The following GBP2 variants were observed in gnomAD, a reference collection of about 807,000 sequenced individuals.
GBP2 encodes guanylate-binding protein 2.
Under a neutral mutation model 60.8 loss-of-function variants are expected in GBP2, and 54 were observed. That is an observed-to-expected ratio of 0.89 (90% CI 0.71 to 1.11). GBP2 has a LOEUF of 1.11. Among genes scored for constraint, GBP2 ranks in the 50% most tolerant of loss-of-function variants. The pLI, the probability that GBP2 is intolerant of heterozygous loss-of-function variation, is 0.00. For synonymous variants in GBP2, 243 were observed against 256.5 expected (o/e 0.95, Z 0.50); for missense variants, 665 against 703.3 (o/e 0.95, Z 0.62).
Position 89,110,161 on chromosome 1 carries a change from C to G in GBP2, c.1465+3G>C, listed in dbSNP as rs1373855931. 2 of 1,607,238 alleles carry G rather than the reference C, an allele frequency of 1.2e-6. No homozygotes were observed. Among genetic ancestry groups the G allele is most frequent in the Non-Finnish European group, 1.7e-6 (2 of 1,174,490 alleles). On this transcript the variant is annotated splice_donor_region_variant and intron_variant, in intron 9 of 10. Transcript: ENST00000370466. ...CATGTAGAGTGTTTTCAGCTGTTCT[C>G]ACCTTCAATCGCTTTTTCCTTTTCT...
At chr1:89,118,000 C>CT (rs1557441400) in intron 4 of GBP2, 2 of 370,564 alleles carry the variant, frequency 5.4e-6, no homozygotes, top group Admixed American at 4.4e-5. Flanking sequence ...AATGCTACCA[C>CT]TATAGAGCTT....
intron 6 of GBP2, among the ~76,000 whole-genome samples, chr1:89,115,616 T>A (rs1681254195): frequency 1.3e-5 from 2 of 152,068 alleles, no homozygotes; most frequent in South Asian, 4.2e-4. Flanking sequence ...GTTTAAAAAA[T>A]TGAGATGGAA....
intron 7 of GBP2, chr1:89,113,086 A>T (rs1681196431): frequency 1.8e-5 from 4 of 223,108 alleles, no homozygotes; most frequent in African/African-American, 9.3e-5. Flanking sequence ...TGAACTGAGG[A>T]TTCCTTGTCT....
At position 89,111,303 on chromosome 1, in the gene GBP2, G is replaced by A. The variant is rs557596389; in HGVS notation, c.1363-1037C>T. ...TTGCCATACTATTGGAAATACTAGC[G>A]AGAGCAATCAGTAAAGAGAAAGAAA... On this transcript the variant is annotated intron_variant, in intron 8 of 10. Transcript: ENST00000370466. Among the ~76,000 whole-genome samples, 7 of 152,116 alleles carry A rather than the reference G, an allele frequency of 4.6e-5. No homozygotes were observed. The East Asian group carries it at 7.7e-4, about 17-fold the overall frequency.
chr1:89,117,369 T>G, intron 5 of GBP2, 135 bp from the exon 6 acceptor site: 1 of 936,358 alleles, frequency 1.1e-6, no homozygotes, highest in South Asian at 1.8e-5. Flanking sequence ...ATTAAAGGGG[T>G]AGAGAAAGGA....
At chr1:89,112,381 C>T (rs1402470247) in intron 8 of GBP2, 91 bp downstream of exon 8, 4 of 1,003,078 alleles carry the variant, frequency 4.0e-6, no homozygotes, top group South Asian at 1.5e-5. Flanking sequence ...GCCCTAGGCA[C>T]CAGTTGCAGT....
intron 6 of GBP2, among the ~76,000 whole-genome samples, chr1:89,115,789 T>C (rs1173550653): frequency 2.0e-5 from 3 of 152,132 alleles, no homozygotes; most frequent in African/African-American, 7.2e-5. Context: ...TTCATAATGA[T>C]GAGGTCTTGC....
intron 5 of GBP2, 101 bp downstream of exon 5, chr1:89,117,476 A>G: frequency 8.8e-7 from 1 of 1,140,458 alleles, no homozygotes; most frequent in Non-Finnish European, 1.3e-6. Context: ...CAGTCAGAAA[A>G]ATACAGTTAA....
chr1:89,124,197 G>A (rs1365621695), intron 1 of GBP2, among the ~76,000 whole-genome samples: 1 of 152,146 alleles, frequency 6.6e-6, no homozygotes, highest in Non-Finnish European at 1.5e-5. Flanking sequence ...GAAAACCTCT[G>A]CTAACCTTGT....
intron 9 of GBP2, 30 bp from the exon 10 acceptor site, chr1:89,109,900 AT>A (rs755227519): frequency 1.3e-5 from 21 of 1,576,316 alleles, no homozygotes; most frequent in Non-Finnish European, 1.8e-5. Flanking sequence ...AGAAAAAGAT[AT>A]GAATATTCAA....
At position 89,110,229 on chromosome 1, in the gene GBP2, T is replaced by C; in HGVS notation, c.1400A>G (p.Glu467Gly). 1 of 1,613,886 alleles carries C rather than the reference T, an allele frequency of 6.2e-7. No homozygotes were observed. Among genetic ancestry groups the C allele is most frequent in the Non-Finnish European group, 8.5e-7 (1 of 1,179,868 alleles). The change falls in exon 9 of 11, where the codon GAG becomes GGG. Residue 467 changes from glutamate to glycine, a missense_variant. Physicochemically the swap from Glu to Gly is moderately conservative, Grantham distance 98. Coordinates refer to ENST00000370466, the MANE Select transcript of GBP2 (RefSeq NM_004120.5). ...CTGTAGAAGTGCATCAGCCACATCC[T>C]CCTTGGACTCCAAATATTTTTTCAG... ...EVLKKYLESK[E>G]DVADALLQTD...
chr1:89,109,571 T>A (rs1436058399), intron 10 of GBP2, 106 bp downstream of exon 10: 20 of 833,650 alleles, frequency 2.4e-5, no homozygotes, highest in Non-Finnish European at 3.8e-5. Context: ...AATGTAGTAG[T>A]GTCTGGGCTA....
Position 89,126,034 on chromosome 1 carries a change from A to C in GBP2, c.-189T>G, listed in dbSNP as rs909944751. The C allele has an allele frequency of 6.6e-6, 1 of 152,198 alleles. No homozygotes were observed. The highest frequency in any genetic ancestry group is 1.5e-5 in the Non-Finnish European group (1 of 68,050). The allele number at this position is 152,198 out of a possible 1,614,324, so 9.4% of individuals were successfully genotyped here. A position where few individuals can be genotyped will look rare whatever the true frequency, so the allele number is the denominator to read the frequency against. On this transcript the variant is annotated 5_prime_UTR_variant, in exon 1 of 11. Coordinates refer to ENST00000370466, the MANE Select transcript of GBP2 (RefSeq NM_004120.5). The stretch of plus-strand genomic sequence containing the variant: ...CCTCCAACGTCCTGGGGCTTCCTCC[A>C]ACGTCCAGGCTCTGTCAATGTCAGA...
intron 1 of GBP2, 57 bp from the exon 2 acceptor site, chr1:89,122,040 T>G: frequency 7.6e-7 from 1 of 1,313,978 alleles, no homozygotes; most frequent in South Asian, 1.7e-5. Context: ...TTAGCTATGC[T>G]GAACTTTACA....
Position 89,121,839 on chromosome 1 carries a change from A to T in GBP2, c.128T>A (p.Ile43Asn), listed in dbSNP as rs1309342131. Reference protein sequence around the residue: ...AITQPVVVVAIVGLYRTGKSY... With the variant: ...AITQPVVVVANVGLYRTGKSY... ...TTTGCCTGTGCGATAGAGGCCCACA[A>T]TCGCCACCACCACCACAGGCTGCGT... Residue 43 changes from isoleucine (I) to asparagine (N), a missense_variant, in exon 2 of 11, where the codon ATT (isoleucine) becomes AAT (asparagine). Transcript: ENST00000370466. 1.9e-6 allele frequency: 3 copies of T among 1,614,092 alleles called. No homozygotes were observed. Among genetic ancestry groups the T allele is most frequent in the Non-Finnish European group, 2.5e-6 (3 of 1,179,994 alleles).
intron 1 of GBP2, among the ~76,000 whole-genome samples, chr1:89,123,768 C>T (rs113699328): frequency 3.0e-3 from 453 of 152,198 alleles, no homozygotes; most frequent in Non-Finnish European, 5.6e-3. Context: ...TTTGAGTATG[C>T]GAAATATCAG....
chr1:89,120,270 A>T lies in GBP2; in HGVS notation c.337T>A (p.Ser113Thr). The T allele has an allele frequency of 4.3e-6, 7 of 1,613,760 alleles. No individual in the cohort carries two copies. Among genetic ancestry groups the T allele is most frequent in the Non-Finnish European group, 5.9e-6 (7 of 1,179,678 alleles). Reference protein sequence around the residue: ...DIEKGDNENDSWIFALAILLS... With the variant: ...DIEKGDNENDTWIFALAILLS... ...AGGATGGCCAAGGCAAAGATCCAGG[A>T]GTCATTCTCATTGTCACCCTGTAAG... The change falls in exon 4 of 11, where the codon TCC becomes ACC. Residue 113 changes from serine to threonine, a missense_variant. Physicochemically the swap from Ser to Thr is moderately conservative, Grantham distance 58. Transcript: ENST00000370466.
intron 6 of GBP2, among the ~76,000 whole-genome samples, chr1:89,115,070 A>C (rs1681241958): frequency 6.6e-6 from 1 of 152,208 alleles, no homozygotes; most frequent in Non-Finnish European, 1.5e-5. Flanking sequence ...CTAAATATCA[A>C]AACTTCATCC....
chr1:89,120,288 C>T lies in GBP2; in HGVS notation c.319G>A (p.Gly107Ser). 2 of 1,610,786 alleles carry T rather than the reference C, an allele frequency of 1.2e-6. No individual in the cohort carries two copies. Among genetic ancestry groups the T allele is most frequent in the East Asian group, 2.2e-5 (1 of 44,858 alleles). The change falls in exon 4 of 11, where the codon GGT becomes AGT. Residue 107 changes from glycine to serine, a missense_variant and splice_region_variant. Coordinates refer to ENST00000370466, the MANE Select transcript of GBP2 (RefSeq NM_004120.5). Reference sequence around the variant, plus strand: ...ATCCAGGAGTCATTCTCATTGTCACCCTGTAAGTCATTGTAGAAGCCACAA... The same window carrying T: ...ATCCAGGAGTCATTCTCATTGTCACTCTGTAAGTCATTGTAGAAGCCACAA... Reference protein sequence around the residue: ...DTEGLGDIEKGDNENDSWIFA... With the variant: ...DTEGLGDIEKSDNENDSWIFA...
Sources: allele counts gnomAD v4.1 joint callset (sites outside exome capture counted in the v4.1 genomes callset), GRCh38; gene constraint gnomAD v4.1.1; transcripts MANE v1.5; gene names NCBI Gene and HGNC (gene_info 2026-07-23, HGNC 2026-07-21).